Variants in ASTN2 observed in about 807,000 individuals in gnomAD.
ASTN2 encodes the protein astrotactin-2.
In ASTN2, 54 loss-of-function variants were observed where a neutral mutation model predicts 139.8. That is an observed-to-expected ratio of 0.39 (90% CI 0.31 to 0.48). The LOEUF (loss-of-function observed/expected upper bound fraction) is 0.48. Ranked by LOEUF, ASTN2 falls within the 20% of genes least tolerant of loss-of-function variation. ASTN2 has a pLI of 0.95. For synonymous variants in ASTN2, 756 were observed against 719.5 expected (o/e 1.05, Z -0.81); for missense variants, 1,565 against 1,725.1 (o/e 0.91, Z 1.64).
At chr9:116,565,215 A>C (rs1254843236) in intron 19 of ASTN2, among the ~76,000 whole-genome samples, 4 of 134,296 alleles carry the variant, frequency 3.0e-5, no homozygotes, top group Non-Finnish European at 3.1e-5. Flanking sequence ...GCTTGCCACA[A>C]ACACACACAC....
At chr9:117,223,175 C>T (rs900487090) in intron 2 of ASTN2, among the ~76,000 whole-genome samples, 2 of 152,082 alleles carry the variant, frequency 1.3e-5, no homozygotes, top group Non-Finnish European at 2.9e-5. Context: ...AGATTGAAAA[C>T]AGGGATACCA....
chr9:116,649,236 T>C (rs1360886159), intron 17 of ASTN2, among the ~76,000 whole-genome samples: 3 of 151,984 alleles, frequency 2.0e-5, no homozygotes, highest in Non-Finnish European at 4.4e-5. Context: ...GAGGTGTAGG[T>C]ATGCTTTAAC....
chr9:116,759,080 G>A (rs1470625241), intron 13 of ASTN2, among the ~76,000 whole-genome samples: 1 of 151,986 alleles, frequency 6.6e-6, no homozygotes, highest in African/African-American at 2.4e-5. Flanking sequence ...GTCTCCACAT[G>A]TTGCCCAGGC....
intron 5 of ASTN2, among the ~76,000 whole-genome samples, chr9:117,087,918 A>T (rs1191253908): frequency 6.6e-6 from 1 of 152,208 alleles, no homozygotes. Context: ...AATAATTTCA[A>T]CCTGACAAAG....
intron 17 of ASTN2, among the ~76,000 whole-genome samples, chr9:116,650,833 A>G (rs970006821): frequency 6.6e-6 from 1 of 151,844 alleles, no homozygotes; most frequent in East Asian, 1.9e-4. Context: ...ATGATGTGCA[A>G]CCCTCCCTGT....
chr9:116,810,433 G>A (rs963515508), intron 12 of ASTN2, among the ~76,000 whole-genome samples: 2 of 152,106 alleles, frequency 1.3e-5, no homozygotes, highest in East Asian at 1.9e-4. Flanking sequence ...TCTCTGTACC[G>A]CCTTTGCTTA....
At chr9:116,740,344 A>G (rs1199072648) in intron 13 of ASTN2, among the ~76,000 whole-genome samples, 1 of 151,492 alleles carries the variant, frequency 6.6e-6, no homozygotes, top group Non-Finnish European at 1.5e-5. Context: ...TAGTGATAGA[A>G]AGAGCATGGG....
At chr9:117,306,399 C>T (rs937073938) in intron 1 of ASTN2, among the ~76,000 whole-genome samples, 10 of 152,112 alleles carry the variant, frequency 6.6e-5, no homozygotes, top group African/African-American at 2.4e-4. Flanking sequence ...GGTGAGAATC[C>T]AGCCTCTTGA....
At chr9:116,509,349 T>C (rs1021748906) in intron 19 of ASTN2, among the ~76,000 whole-genome samples, 2 of 152,254 alleles carry the variant, frequency 1.3e-5, no homozygotes, top group African/African-American at 4.8e-5. Flanking sequence ...CATCCTTTTT[T>C]ATGGCTGCAT....
chr9:117,180,746 G>A, intron 3 of ASTN2: 1 of 1,585,544 alleles, frequency 6.3e-7, no homozygotes, highest in South Asian at 1.1e-5. Flanking sequence ...CCACGACTGG[G>A]GATGTACTTG....
intron 5 of ASTN2, among the ~76,000 whole-genome samples, chr9:117,041,440 A>G (rs1838568422): frequency 6.6e-6 from 1 of 152,096 alleles, no homozygotes; most frequent in Admixed American, 6.5e-5. Context: ...TGCCATTTAG[A>G]CTGGCCAGAA....
At chr9:116,794,823 G>A (rs999242620) in intron 13 of ASTN2, among the ~76,000 whole-genome samples, 2 of 152,210 alleles carry the variant, frequency 1.3e-5, no homozygotes, top group Admixed American at 6.5e-5. Flanking sequence ...GATAATAGGG[G>A]AAGAAAATTA....
intron 1 of ASTN2, among the ~76,000 whole-genome samples, chr9:117,292,338 AC>A (rs1449623119): frequency 6.6e-6 from 1 of 152,202 alleles, no homozygotes; most frequent in Admixed American, 6.5e-5. Context: ...AATGTATCAT[AC>A]CTTTTTATTA....
intron 22 of ASTN2, among the ~76,000 whole-genome samples, chr9:116,431,203 C>G (rs530985670): frequency 6.6e-6 from 1 of 152,154 alleles, no homozygotes; most frequent in East Asian, 1.9e-4. Context: ...ACTTATCAGA[C>G]AGGACAGAGA....
intron 11 of ASTN2, among the ~76,000 whole-genome samples, chr9:116,829,497 G>T (rs1412041970): frequency 6.6e-6 from 1 of 152,010 alleles, no homozygotes; most frequent in Non-Finnish European, 1.5e-5. Context: ...GGTTTAATTG[G>T]CTTATGGTTT....
intron 12 of ASTN2, among the ~76,000 whole-genome samples, chr9:116,809,109 T>C (rs963847886): frequency 1.1e-4 from 17 of 152,298 alleles, no homozygotes; most frequent in African/African-American, 4.1e-4. Context: ...TTGCTTTTGA[T>C]ATCTTATTAC....
intron 5 of ASTN2, among the ~76,000 whole-genome samples, chr9:117,086,571 T>A (rs1329210583): frequency 6.6e-6 from 1 of 152,028 alleles, no homozygotes; most frequent in Admixed American, 6.6e-5. Context: ...CAAAACTCCA[T>A]CTCAAAAACA....
At chr9:117,021,911 A>G (rs1359037004) in intron 6 of ASTN2, among the ~76,000 whole-genome samples, 1 of 152,188 alleles carries the variant, frequency 6.6e-6, no homozygotes, top group Non-Finnish European at 1.5e-5. Context: ...ACCTACATAT[A>G]TTTGATAGTT....
chr9:116,955,510 C>G (rs1367911867), intron 10 of ASTN2, among the ~76,000 whole-genome samples: 1 of 152,222 alleles, frequency 6.6e-6, no homozygotes, highest in Non-Finnish European at 1.5e-5. Context: ...CCTGTTCACC[C>G]TTCTGGGCAC....
Sources: gnomAD v4.1 joint callset for allele counts (sites outside exome capture counted in the v4.1 genomes callset) on GRCh38, gnomAD v4.1.1 for gene constraint, MANE v1.5 for transcripts, NCBI Gene and HGNC (gene_info 2026-07-23, HGNC 2026-07-21) for gene names.